Variants in KIAA0232 observed in about 807,000 individuals in gnomAD.
The protein encoded by KIAA0232 is uncharacterized protein KIAA0232.
KIAA0232 carries 27 observed loss-of-function variants against 122.0 expected under a neutral mutation model. The observed-to-expected ratio is 0.22, with a 90% CI of 0.16 to 0.31. KIAA0232 has a LOEUF of 0.31. Among genes scored for constraint, KIAA0232 ranks in the 10% least tolerant of loss-of-function variants. The pLI, the probability that KIAA0232 is intolerant of heterozygous loss-of-function variation, is 1.00. For synonymous variants in KIAA0232, 613 were observed against 587.6 expected (o/e 1.04, Z -0.63); for missense variants, 1,551 against 1,634.2 (o/e 0.95, Z 0.88).
intron 8 of KIAA0232, among the ~76,000 whole-genome samples, chr4:6,873,925 C>G (rs1485322508): frequency 6.6e-6 from 1 of 152,142 alleles, no homozygotes; most frequent in Non-Finnish European, 1.5e-5. Flanking sequence ...ACCTACTCAG[C>G]AGAAGTGGCT....
At chr4:6,858,071 T>G (rs1215154995) in intron 5 of KIAA0232, among the ~76,000 whole-genome samples, 1 of 152,200 alleles carries the variant, frequency 6.6e-6, no homozygotes, top group African/African-American at 2.4e-5. Context: ...AGTCTATGAG[T>G]GTAGAATTTT....
chr4:6,843,995 A>C (rs1318831865), intron 4 of KIAA0232, among the ~76,000 whole-genome samples: 1 of 116,468 alleles, frequency 8.6e-6, no homozygotes, highest in African/African-American at 3.3e-5. Context: ...GCTGAAGTGC[A>C]GTGGCGCCAT....
At chr4:6,831,518 A>C (rs771385768) in intron 3 of KIAA0232, among the ~76,000 whole-genome samples, 4 of 152,224 alleles carry the variant, frequency 2.6e-5, no homozygotes, top group Admixed American at 6.5e-5. Flanking sequence ...TGTTCCATAT[A>C]GAGAACAACC....
At chr4:6,838,598 G>C (rs918185344) in intron 3 of KIAA0232, among the ~76,000 whole-genome samples, 2 of 151,984 alleles carry the variant, frequency 1.3e-5, no homozygotes, top group Non-Finnish European at 2.9e-5. Context: ...CATTTACATT[G>C]TATATACTCT....
chr4:6,823,980 G>T (rs1240423817), intron 2 of KIAA0232, among the ~76,000 whole-genome samples: 3 of 152,040 alleles, frequency 2.0e-5, no homozygotes, highest in Non-Finnish European at 4.4e-5. Context: ...CTTCCAACTT[G>T]CTGGTACACA....
chr4:6,877,634 C>T (rs1721827840), intron 9 of KIAA0232, among the ~76,000 whole-genome samples: 1 of 152,142 alleles, frequency 6.6e-6, no homozygotes, highest in African/African-American at 2.4e-5. Context: ...GGGCAGGAAG[C>T]ATCCAGCATG....
chr4:6,815,606 C>A (rs1305838054), intron 2 of KIAA0232, among the ~76,000 whole-genome samples: 1 of 152,164 alleles, frequency 6.6e-6, no homozygotes, highest in Non-Finnish European at 1.5e-5. Flanking sequence ...CTAAAAACCC[C>A]AGTTATTACT....
intron 2 of KIAA0232, among the ~76,000 whole-genome samples, chr4:6,808,067 CA>C (rs1180504947): frequency 1.3e-5 from 2 of 150,818 alleles, no homozygotes; most frequent in Non-Finnish European, 3.0e-5. Context: ...GACTATGTCT[CA>C]AAAAAGAAAA....
intron 2 of KIAA0232, among the ~76,000 whole-genome samples, chr4:6,813,604 C>T (rs570876501): frequency 9.2e-5 from 14 of 152,098 alleles, no homozygotes; most frequent in African/African-American, 2.6e-4. Flanking sequence ...CCTTGTGATC[C>T]GCCCGCCTCG....
intron 4 of KIAA0232, 51 bp from the exon 5 acceptor site, chr4:6,857,113 G>T: frequency 7.3e-7 from 1 of 1,372,404 alleles, no homozygotes; most frequent in South Asian, 1.4e-5. Context: ...ACAAATACCT[G>T]ATTTGTACAT....
At chr4:6,800,480 G>A (rs1043617250) in intron 1 of KIAA0232, among the ~76,000 whole-genome samples, 1 of 151,034 alleles carries the variant, frequency 6.6e-6, no homozygotes, top group Non-Finnish European at 1.5e-5. Flanking sequence ...TCAGGAGTTC[G>A]AGACCAGCCT....
At chr4:6,813,362 T>TG (rs1020964491) in intron 2 of KIAA0232, among the ~76,000 whole-genome samples, 18 of 151,946 alleles carry the variant, frequency 1.2e-4, no homozygotes, top group African/African-American at 3.9e-4. Flanking sequence ...TTTTTTTTTT[T>TG]TTGTTTTTTG....
At chr4:6,811,747 A>ATTTTTTTTTTTTTTTTTTTTTTTTTTTTT (rs10709832) in intron 2 of KIAA0232, among the ~76,000 whole-genome samples, 2 of 103,930 alleles carry the variant, frequency 1.9e-5, no homozygotes, top group African/African-American at 7.6e-5. Flanking sequence ...GCCTGGCCTA[A>ATTTTTTTTTTTTTTTTTTTTTTTTTTTTT]TTTTTTTTTT....
At chr4:6,807,024 G>GTCTC (rs1313933863) in intron 2 of KIAA0232, among the ~76,000 whole-genome samples, 1 of 111,884 alleles carries the variant, frequency 8.9e-6, no homozygotes, top group African/African-American at 3.1e-5. Flanking sequence ...CTTTTTGTCT[G>GTCTC]TCTGTCTGTC....
chr4:6,871,737 G>A, intron 8 of KIAA0232, 55 bp downstream of exon 8: 1 of 1,092,270 alleles, frequency 9.2e-7, no homozygotes, highest in East Asian at 2.4e-5. Context: ...TTTGTTAAGA[G>A]CAATAATTTC....
chr4:6,871,780 A>T (rs1721503613), intron 8 of KIAA0232, 98 bp downstream of exon 8: 1 of 756,720 alleles, frequency 1.3e-6, no homozygotes, highest in East Asian at 2.6e-5. Context: ...AGAAACATTT[A>T]CCAAGAGGTT....
At chr4:6,832,232 C>T (rs964739189) in intron 3 of KIAA0232, among the ~76,000 whole-genome samples, 2 of 152,190 alleles carry the variant, frequency 1.3e-5, no homozygotes, top group Non-Finnish European at 2.9e-5. Flanking sequence ...CTCCCATTCT[C>T]AGCCCTCTTA....
chr4:6,850,903 C>T (rs1326808227), intron 4 of KIAA0232, among the ~76,000 whole-genome samples: 2 of 152,148 alleles, frequency 1.3e-5, no homozygotes, highest in African/African-American at 2.4e-5. Context: ...CTCTTGACCT[C>T]GTGATCCGCC....
chr4:6,843,421 G>A (rs748930897), intron 4 of KIAA0232, among the ~76,000 whole-genome samples: 4 of 152,158 alleles, frequency 2.6e-5, no homozygotes, highest in South Asian at 2.1e-4. Context: ...TGATGCAAAC[G>A]GTTTTTAAGG....
Sources: gnomAD v4.1 joint callset for allele counts (sites outside exome capture counted in the v4.1 genomes callset) on GRCh38, gnomAD v4.1.1 for gene constraint, MANE v1.5 for transcripts, NCBI Gene and HGNC (gene_info 2026-07-23, HGNC 2026-07-21) for gene names.